Variants in PIK3C2G observed in about 807,000 individuals in gnomAD.
PIK3C2G encodes phosphatidylinositol 3-kinase C2 domain-containing subunit gamma.
Under a neutral mutation model 181.1 loss-of-function variants are expected in PIK3C2G, and 168 were observed. That is an observed-to-expected ratio of 0.93 (90% confidence interval 0.82 to 1.05). PIK3C2G has a LOEUF of 1.05. PIK3C2G is among the 50% of genes least tolerant of loss of function. The pLI, the probability that PIK3C2G is intolerant of heterozygous loss-of-function variation, is 0.00. For missense variants in PIK3C2G, 1,869 were observed against 1,732.8 expected, an observed-to-expected ratio of 1.08 and a Z score of -1.40; for synonymous variants, 573 against 592.2, an observed-to-expected ratio of 0.97 and a Z score of 0.47.
chr12:18,554,589 T>C (rs1206789368), intron 26 of PIK3C2G, among the ~76,000 whole-genome samples: 1 of 152,118 alleles, frequency 6.6e-6, no homozygotes, highest in Non-Finnish European at 1.5e-5. Context: ...TTTTATCATG[T>C]ACCCAGAATA....
the PIK3C2G span, among the ~76,000 whole-genome samples, chr12:18,690,790 C>T: frequency 3.9e-5 from 6 of 152,122 alleles, no homozygotes; most frequent in East Asian, 5.8e-4. Flanking sequence ...GAAGAGCCTA[C>T]GCAATTCGTG....
chr12:18,672,387 G>A, the PIK3C2G span, among the ~76,000 whole-genome samples: 1 of 152,070 alleles, frequency 6.6e-6, no homozygotes, highest in South Asian at 2.1e-4. Context: ...ATTATGTTAT[G>A]TGCTCATTTA....
chr12:18,668,680 A>G, the PIK3C2G span, among the ~76,000 whole-genome samples: 1 of 152,074 alleles, frequency 6.6e-6, no homozygotes, highest in African/African-American at 2.4e-5. Flanking sequence ...CTTCAGGCCA[A>G]CTCACCTCCA....
In PIK3C2G at chr12:18,442,575, GAA is replaced by G. The variant is rs1946803062; in HGVS notation, c.2504+18539_2504+18540del. On this transcript the variant is annotated intron_variant, in intron 18 of 32. Transcript: ENST00000538779. The stretch of plus-strand genomic sequence containing the variant: ...AGGAGATGACAGATAAGAGTAAACT[GAA>G]AAGATTCCAAGAACGAACTCATACA... Among the ~76,000 whole-genome samples the G allele has an allele frequency of 2.0e-5, 3 of 152,214 alleles. No homozygotes were observed. In the South Asian group the frequency reaches 6.2e-4, roughly 32 times the overall value.
intron 24 of PIK3C2G, among the ~76,000 whole-genome samples, chr12:18,514,538 C>T (rs1225863183): frequency 6.6e-6 from 1 of 151,792 alleles, no homozygotes; most frequent in African/African-American, 2.4e-5. Context: ...ATGTCTTTTT[C>T]AGGTAGTTCT....
chr12:18,544,560 A>T (rs1944323746), intron 25 of PIK3C2G, among the ~76,000 whole-genome samples: 1 of 151,868 alleles, frequency 6.6e-6, no homozygotes, highest in Admixed American at 6.6e-5. Flanking sequence ...AGTGTTTTTA[A>T]TAGAATGAAG....
chr12:18,410,524 A>G (rs1565691160), intron 16 of PIK3C2G, among the ~76,000 whole-genome samples: 1 of 151,420 alleles, frequency 6.6e-6, no homozygotes, highest in Admixed American at 6.6e-5. Flanking sequence ...AAAAAAAAAA[A>G]AAAAGATTAT....
At chr12:18,339,348 T>C (rs545968342) in intron 9 of PIK3C2G, among the ~76,000 whole-genome samples, 62 of 152,262 alleles carry the variant, frequency 4.1e-4, no homozygotes, top group Admixed American at 9.2e-4. Flanking sequence ...TTTTATTTTA[T>C]CTCAATAGAT....
chr12:18,474,512 A>G (rs1938781001), intron 18 of PIK3C2G, among the ~76,000 whole-genome samples: 1 of 152,154 alleles, frequency 6.6e-6, no homozygotes, highest in Admixed American at 6.6e-5. Context: ...TTCATCAAAA[A>G]TTTACCATCT....
intron 18 of PIK3C2G, among the ~76,000 whole-genome samples, chr12:18,444,169 A>T (rs1946895506): frequency 6.6e-6 from 1 of 152,044 alleles, no homozygotes; most frequent in African/African-American, 2.4e-5. Context: ...ACTATAAGCC[A>T]TCTTCCCTCT....
chr12:18,338,663 C>CTG (rs199613361), intron 9 of PIK3C2G, 115 bp downstream of exon 9: 22,538 of 411,956 alleles, frequency 0.055, 402 homozygotes, highest in Middle Eastern at 0.074. Context: ...TTGTGTGTAT[C>CTG]TGTGTGTGTG....
chr12:18,266,035 A>AC (rs1313713293), intron 1 of PIK3C2G, among the ~76,000 whole-genome samples: 2 of 150,968 alleles, frequency 1.3e-5, no homozygotes. Flanking sequence ...AAAAAAAAAA[A>AC]AAAAAACACT....
the PIK3C2G span, chr12:18,701,913 C>T: frequency 8.0e-7 from 1 of 1,252,080 alleles, no homozygotes; most frequent in Non-Finnish European, 1.1e-6. Flanking sequence ...TTTTCCCATA[C>T]CCCTATTCAC....
At chr12:18,660,886 A>G in the PIK3C2G span, among the ~76,000 whole-genome samples, 1 of 152,186 alleles carries the variant, frequency 6.6e-6, no homozygotes, top group East Asian at 1.9e-4. Context: ...ATTGATAGTC[A>G]AAGAAGTAAA....
chr12:18,560,568 C>T (rs1435120822), intron 26 of PIK3C2G, among the ~76,000 whole-genome samples: 2 of 151,414 alleles, frequency 1.3e-5, no homozygotes, highest in Non-Finnish European at 2.9e-5. Context: ...ACACACAATG[C>T]CTCAAGAGAG....
intron 24 of PIK3C2G, among the ~76,000 whole-genome samples, chr12:18,514,027 A>C (rs763490459): frequency 1.3e-5 from 2 of 151,772 alleles, no homozygotes; most frequent in African/African-American, 2.4e-5. Context: ...TGCTGCATGC[A>C]ATATGCTTTA....
intron 1 of PIK3C2G, among the ~76,000 whole-genome samples, chr12:18,252,298 C>T (rs991488954): frequency 5.9e-5 from 9 of 152,174 alleles, no homozygotes; most frequent in Admixed American, 3.9e-4. Flanking sequence ...ATCAAATTGA[C>T]GCAACAGTAT....
intron 30 of PIK3C2G, among the ~76,000 whole-genome samples, chr12:18,603,507 T>A (rs1413349867): frequency 6.6e-6 from 1 of 152,064 alleles, no homozygotes; most frequent in Non-Finnish European, 1.5e-5. Flanking sequence ...CATGCAAATA[T>A]AAGAAGCACT....
At chr12:18,654,246 G>C in the PIK3C2G span, among the ~76,000 whole-genome samples, 1 of 145,686 alleles carries the variant, frequency 6.9e-6, no homozygotes, top group Admixed American at 6.9e-5. Flanking sequence ...TAATAGAAAA[G>C]AGCAATACAT....
Sources: gnomAD v4.1 joint callset for allele counts (sites outside exome capture counted in the v4.1 genomes callset) on GRCh38, gnomAD v4.1.1 for gene constraint, MANE v1.5 for transcripts, NCBI Gene and HGNC (gene_info 2026-07-23, HGNC 2026-07-21) for gene names.